EMX1: variants seen among roughly 807,000 people sequenced by gnomAD.
The protein encoded by EMX1 is empty spiracles homeobox 1, also known as homeobox protein EMX1.
EMX1 carries 10 observed loss-of-function variants against 20.1 expected under a neutral mutation model. The ratio of observed to expected loss-of-function variants is 0.50; its 90% CI spans 0.31 to 0.84. EMX1 has a LOEUF of 0.84. Among genes scored for constraint, EMX1 ranks in the 40% least tolerant of loss-of-function variants. The pLI is 0.05. For synonymous variants in EMX1, 250 were observed against 200.4 expected (o/e 1.25, Z -2.09); for missense variants, 424 against 431.9 (o/e 0.98, Z 0.16).
rs924399828 is a variant in EMX1 at position 72,917,750 on chromosome 2, G to A, written c.-103G>A. On this transcript the variant is annotated 5_prime_UTR_variant, in exon 1 of 3. Transcript: ENST00000258106. ...GCCGTACGCTGTGGCCGGACCCCGC[G>A]GTCGCTCGCTCACACACCCCTCGCC... is the stretch of plus-strand genomic sequence containing the variant. 2.7e-6 allele frequency: 3 copies of A among 1,108,540 alleles called. No individual in the cohort carries two copies. Among genetic ancestry groups the A allele is most frequent in the African/African-American group, 1.6e-5 (1 of 61,234 alleles). The allele number at this position is 1,108,540 out of a possible 1,614,324, so 68.7% of individuals were successfully genotyped here.
chr2:72,918,132 G>C lies in EMX1; in HGVS notation c.280G>C (p.Ala94Pro). Residue 94 changes from alanine (A) to proline (P), a missense_variant, in exon 1 of 3, where the codon GCC (alanine) becomes CCC (proline). This residue lies in a region of EMX1 where 333 missense variants were observed against 296.6 expected (regional missense o/e 1.12). Transcript: ENST00000258106. ...CCCTCACCCCAGCGCGGCCGAGGCG[G>C]CCTTCGTGAGTGGCTTCCCTGCCGC... is the stretch of plus-strand genomic sequence containing the variant. ...NYPHPSAAEA[A>P]FVSGFPAAAA... The C allele has an allele frequency of 6.7e-7, 1 of 1,491,254 alleles. No individual in the cohort carries two copies. The allele number at this position is 1,491,254 out of a possible 1,614,324, so 92.4% of individuals were successfully genotyped here. A position where few individuals can be genotyped will look rare whatever the true frequency, so the allele number is the denominator to read the frequency against.
intron 2 of EMX1, among the ~76,000 whole-genome samples, chr2:72,929,849 G>C (rs374933592): frequency 2.0e-5 from 3 of 152,134 alleles, no homozygotes; most frequent in Non-Finnish European, 4.4e-5. Flanking sequence ...CAGTCCTCTA[G>C]CAAACTGATA....
intron 2 of EMX1, chr2:72,925,504 G>A (rs1430361844): frequency 7.0e-6 from 9 of 1,288,858 alleles, no homozygotes; most frequent in Non-Finnish European, 7.1e-6. Context: ...GTGGATTTCA[G>A]TCTCTGCGTG....
In EMX1 at chr2:72,934,226, C is replaced by G; in HGVS notation, c.*272C>G. 4.2e-6 allele frequency: 2 copies of G among 479,528 alleles called. No homozygotes were observed. The highest frequency in any genetic ancestry group is 6.8e-5 in the South Asian group (2 of 29,520). The allele number at this position is 479,528 out of a possible 1,614,324, so 29.7% of individuals were successfully genotyped here. A position where few individuals can be genotyped will look rare whatever the true frequency, so the allele number is the denominator to read the frequency against. ...GCAGCCTCCCAGCTGCTCTCCGTGT[C>G]TCCAATCTCCCTTTTGTTTTGATGC... On this transcript the variant is annotated 3_prime_UTR_variant, in exon 3 of 3. Transcript: ENST00000258106.
intron 1 of EMX1, among the ~76,000 whole-genome samples, chr2:72,918,587 C>A (rs1003751316): frequency 6.6e-6 from 1 of 152,250 alleles, no homozygotes. Context: ...GTGGAGACCT[C>A]CAGGCTTTTC....
At chr2:72,916,983 T>C (rs1573892844), upstream of EMX1, 2 of 709,628 alleles carry the variant, frequency 2.8e-6, no homozygotes, top group Non-Finnish European at 2.6e-6. Context: ...TTTCCAGAGC[T>C]GTCCCCCGTG....
At chr2:72,920,911 C>T (rs1671091256) in intron 1 of EMX1, among the ~76,000 whole-genome samples, 2 of 152,174 alleles carry the variant, frequency 1.3e-5, no homozygotes, top group South Asian at 4.1e-4. Context: ...AGAGACCCAG[C>T]CCCCCGGGAC....
At chr2:72,928,126 G>A (rs1295573866) in intron 2 of EMX1, among the ~76,000 whole-genome samples, 2 of 152,186 alleles carry the variant, frequency 1.3e-5, no homozygotes, top group Non-Finnish European at 2.9e-5. Context: ...TGGGGTATTC[G>A]TGCTGGGATG....
chr2:72,925,607 G>C, intron 2 of EMX1: 1 of 1,265,980 alleles, frequency 7.9e-7, no homozygotes, highest in Non-Finnish European at 1.0e-6. Flanking sequence ...TTTCCTCCTA[G>C]TCTCGACCCT....
At chr2:72,925,475 C>A (rs1229228923) in intron 2 of EMX1, 2 of 1,289,014 alleles carry the variant, frequency 1.6e-6, no homozygotes, top group Admixed American at 4.6e-5. Context: ...CGACCCTCAG[C>A]CTAGCTGCTG....
At chr2:72,922,047 C>T (rs144545322) in intron 1 of EMX1, among the ~76,000 whole-genome samples, 383 of 152,314 alleles carry the variant, frequency 2.5e-3, no homozygotes, top group Non-Finnish European at 4.4e-3. Flanking sequence ...ACCTCTGCCT[C>T]CTATTCATAC....
chr2:72,924,507 G>T lies in EMX1; in HGVS notation c.705+14G>T. 6.4e-7 allele frequency: 1 copy of T among 1,562,632 alleles called. No homozygotes were observed. ...TCCGAGACGCAGGTAATCACCCCCG[G>T]TCGCGGCCTGCCCTGCGCCCGGAGC... On this transcript the variant is annotated intron_variant, in intron 2 of 2. Coordinates refer to ENST00000258106, the MANE Select transcript of EMX1 (RefSeq NM_004097.3).
intron 2 of EMX1, among the ~76,000 whole-genome samples, chr2:72,928,045 G>T (rs994565021): frequency 2.0e-5 from 3 of 152,226 alleles, no homozygotes; most frequent in Non-Finnish European, 4.4e-5. Flanking sequence ...TCAGAAGTCT[G>T]TGCACTCCCC....
chr2:72,925,517 G>GAGTT (rs752374956), intron 2 of EMX1: 261 of 1,288,582 alleles, frequency 2.0e-4, no homozygotes, highest in Admixed American at 2.5e-4. Context: ...TCTGCGTGCC[G>GAGTT]GCCGGCTCCC....
chr2:72,918,522 C>G (rs1671039118), intron 1 of EMX1, 150 bp downstream of exon 1: 1 of 1,172,450 alleles, frequency 8.5e-7, no homozygotes, highest in Non-Finnish European at 1.1e-6. Context: ...CAGGGAAGAG[C>G]TGTGCGGCAT....
At chr2:72,916,320 C>CGCGCCCAGGCA (rs1670960931), upstream of EMX1, 1 of 285,756 alleles carries the variant, frequency 3.5e-6, no homozygotes, top group African/African-American at 2.3e-5. Context: ...CCCAGATCTG[C>CGCGCCCAGGCA]GCGCCCAGGC....
chr2:72,918,049 C>A lies in EMX1; in HGVS notation c.197C>A (p.Ser66Tyr), dbSNP rs1399395573. 1 of 1,417,702 alleles carries A rather than the reference C, an allele frequency of 7.1e-7. No homozygotes were observed. Among genetic ancestry groups the A allele is most frequent in the Non-Finnish European group, 9.1e-7 (1 of 1,095,400 alleles). 87.8% of individuals were successfully genotyped at this position (1,417,702 alleles called of 1,614,324 possible). A position where few individuals can be genotyped will look rare whatever the true frequency, so the allele number is the denominator to read the frequency against. Residue 66 changes from serine to tyrosine, a missense_variant, in exon 1 of 3, where the codon TCC (serine) becomes TAC (tyrosine). This residue lies in a region of EMX1 where 333 missense variants were observed against 296.6 expected (regional missense o/e 1.12). Coordinates refer to ENST00000258106, the MANE Select transcript of EMX1 (RefSeq NM_004097.3). ...GGGTGGGGAG[S>Y]HLLAAAASEE... is the part of the protein sequence containing the mutation. ...GGCACTGGCGGCGGGGGCGCGGGCT[C>A]CCATCTCCTGGCGGCGGCCGCCTCC...
Position 72,930,547 on chromosome 2 carries a change from G to A in EMX1, c.706-3240G>A, listed in dbSNP as rs1268133150. ...AGCAGAGAGGTCAGAGTGGGCAAGG[G>A]GTCCTCCAGCTAACATTCCAACTGT... On this transcript the variant is annotated intron_variant, in intron 2 of 2. Coordinates refer to ENST00000258106, the MANE Select transcript of EMX1 (RefSeq NM_004097.3). This position sits in a 1 kb window ranked among gnomAD's most constrained non-coding sequence, Gnocchi z 4.4. 6.6e-6 allele frequency among the ~76,000 whole-genome samples: 1 copy of A among 152,144 alleles called. No individual in the cohort carries two copies. The highest frequency in any genetic ancestry group is 2.4e-5 in the African/African-American group (1 of 41,410).
intron 1 of EMX1, among the ~76,000 whole-genome samples, chr2:72,922,591 C>A (rs1671123279): frequency 6.6e-6 from 1 of 152,236 alleles, no homozygotes; most frequent in African/African-American, 2.4e-5. Flanking sequence ...AGATTATTGA[C>A]TGACCCCTTC....
Sources: gnomAD v4.1 joint callset for allele counts (sites outside exome capture counted in the v4.1 genomes callset) on GRCh38, gnomAD v4.1.1 for gene constraint, gnomAD v4.1.1 regional missense constraint, Gnocchi (gnomAD v3.1) non-coding constraint, MANE v1.5 for transcripts, NCBI Gene and HGNC (gene_info 2026-07-23, HGNC 2026-07-21) for gene names.